Variants in KIAA0319 observed in about 807,000 individuals in gnomAD.
The protein encoded by KIAA0319 is KIAA0319.
In KIAA0319, 83 loss-of-function variants were observed where a neutral mutation model predicts 108.4. The ratio of observed to expected loss-of-function variants is 0.77; its 90% CI spans 0.64 to 0.92. KIAA0319 has a LOEUF of 0.92. Ranked by LOEUF, KIAA0319 falls within the 40% of genes least tolerant of loss-of-function variation. The pLI is 0.00. For synonymous variants in KIAA0319, 484 were observed against 510.4 expected, an observed-to-expected ratio of 0.95 and a Z score of 0.70; for missense variants, 1,195 against 1,322.4, an observed-to-expected ratio of 0.90 and a Z score of 1.49.
At chr6:24,564,149 A>C (rs1763515400) in intron 15 of KIAA0319, 53 bp downstream of exon 15, 1 of 1,610,564 alleles carries the variant, frequency 6.2e-7, no homozygotes, top group Non-Finnish European at 8.5e-7. Context: ...TAAAGACCCC[A>C]AAGGCTGACC....
In KIAA0319 at chr6:24,601,032, G is replaced by C; in HGVS notation, c.55+17C>G. 1 of 1,613,812 alleles carries C rather than the reference G, an allele frequency of 6.2e-7. No homozygotes were observed. Among genetic ancestry groups the C allele is most frequent in the Non-Finnish European group, 8.5e-7 (1 of 1,179,884 alleles). ...CTCAAGTCCAACACGGGTATCTCCA[G>C]GGTAGTAGTTCCCTACCTGCAATTG... On this transcript the variant is annotated intron_variant, in intron 2 of 20. Coordinates refer to ENST00000378214, the MANE Select transcript of KIAA0319 (RefSeq NM_014809.4).
intron 6 of KIAA0319, 39 bp downstream of exon 6, chr6:24,582,210 C>G: frequency 8.8e-7 from 1 of 1,133,486 alleles, no homozygotes; most frequent in Non-Finnish European, 1.3e-6. Flanking sequence ...TATGCCGTTA[C>G]GCTGTGCTGT....
intron 11 of KIAA0319, 39 bp from the exon 12 acceptor site, chr6:24,570,074 T>C (rs1228181719): frequency 8.8e-6 from 14 of 1,597,820 alleles, no homozygotes; most frequent in Non-Finnish European, 1.2e-5. Flanking sequence ...TATTATCTCT[T>C]TGCATTAAGT....
intron 12 of KIAA0319, among the ~76,000 whole-genome samples, chr6:24,569,371 TCA>T (rs528824651): frequency 2.6e-4 from 39 of 152,234 alleles, no homozygotes; most frequent in Middle Eastern, 6.8e-3. Context: ...CAAAAATACC[TCA>T]GTTTGGGTCC....
intron 1 of KIAA0319, among the ~76,000 whole-genome samples, chr6:24,628,520 CT>C (rs1204487218): frequency 2.0e-5 from 3 of 151,600 alleles, no homozygotes; most frequent in African/African-American, 7.3e-5. Flanking sequence ...GTGCTTTTTT[CT>C]TTCTTTCTTT....
chr6:24,644,247 G>C (rs1455210255), intron 1 of KIAA0319, among the ~76,000 whole-genome samples: 1 of 13,916 alleles, frequency 7.2e-5, no homozygotes, highest in Non-Finnish European at 1.2e-4. Flanking sequence ...ACAGGGGAGA[G>C]GGGGGGGTTC....
Position 24,563,473 on chromosome 6 carries a change from AC to A in KIAA0319, c.2476del (p.Val826LeufsTer4). On this transcript the variant is annotated frameshift_variant, in exon 16 of 21. Transcript: ENST00000378214. LOFTEE classifies it high-confidence loss of function. ...CTTCCGCTGCTCTGTCAGCTGCCCA[AC>A]ACCAACCTGCAGGGTCAGCTCCACC... is the stretch of plus-strand genomic sequence containing the variant. ...GLVELTLQVG[V>X]GQLTEQRKDT... The A allele has an allele frequency of 6.2e-7, 1 of 1,613,282 alleles. No individual in the cohort carries two copies. Among genetic ancestry groups the A allele is most frequent in the Non-Finnish European group, 8.5e-7 (1 of 1,179,862 alleles).
At chr6:24,574,548 C>A (rs1765195668) in intron 10 of KIAA0319, among the ~76,000 whole-genome samples, 1 of 152,072 alleles carries the variant, frequency 6.6e-6, no homozygotes, top group Non-Finnish European at 1.5e-5. Flanking sequence ...CAGGTTAATA[C>A]CCTTTCTTTT....
intron 1 of KIAA0319, among the ~76,000 whole-genome samples, chr6:24,609,427 A>G (rs1036735155): frequency 6.6e-6 from 1 of 151,916 alleles, no homozygotes; most frequent in African/African-American, 2.4e-5. Context: ...AAATACAAAA[A>G]TTAGCCAGGC....
At chr6:24,555,027 A>T (rs1762088063) in intron 18 of KIAA0319, among the ~76,000 whole-genome samples, 2 of 152,240 alleles carry the variant, frequency 1.3e-5, no homozygotes, top group Admixed American at 6.5e-5. Context: ...GCTTGGTTTT[A>T]ATAAAGCATC....
chr6:24,573,343 C>T (rs2127465792), intron 10 of KIAA0319, among the ~76,000 whole-genome samples: 1 of 151,462 alleles, frequency 6.6e-6, no homozygotes, highest in South Asian at 2.1e-4. Flanking sequence ...AACAGTCTAT[C>T]ACAGCAAAAC....
At chr6:24,617,608 C>T (rs1057279688) in intron 1 of KIAA0319, among the ~76,000 whole-genome samples, 2 of 152,110 alleles carry the variant, frequency 1.3e-5, no homozygotes, top group Non-Finnish European at 2.9e-5. Context: ...TTCATGGATG[C>T]ACAGAGGACA....
intron 5 of KIAA0319, 87 bp downstream of exon 5, chr6:24,583,517 G>C (rs1434098378): frequency 1.0e-5 from 9 of 873,604 alleles, no homozygotes; most frequent in East Asian, 4.9e-5. Context: ...CTGTGAAAAA[G>C]AATCGGCGTT....
chr6:24,644,112 G>A (rs1056895307), intron 1 of KIAA0319, among the ~76,000 whole-genome samples: 3 of 152,196 alleles, frequency 2.0e-5, no homozygotes, highest in African/African-American at 7.2e-5. Flanking sequence ...CCTCATGTCT[G>A]CGTGGGTTTT....
chr6:24,547,333 G>A lies in KIAA0319; in HGVS notation c.3051C>T (p.His1017=), dbSNP rs746255929. ...MELRPKYGIK[H]RSTEHNSSLM... is the part of the protein sequence containing the mutation. ...GGCTGGAGTTGTGCTCTGTGCTTCG[G>A]TGCTTGATACCTAGAGAGAAGCACA... The change falls in exon 21 of 21, where the codon CAC becomes CAT. Residue 1017 remains histidine, a synonymous_variant. Coordinates refer to ENST00000378214, the MANE Select transcript of KIAA0319 (RefSeq NM_014809.4). The A allele has an allele frequency of 7.1e-5, 115 of 1,613,862 alleles. No individual in the cohort carries two copies. The highest frequency in any genetic ancestry group is 9.3e-5 in the Non-Finnish European group (110 of 1,179,904).
intron 16 of KIAA0319, among the ~76,000 whole-genome samples, chr6:24,560,141 T>C (rs868396591): frequency 7.9e-5 from 12 of 152,384 alleles, no homozygotes; most frequent in Middle Eastern, 3.4e-3. Flanking sequence ...ATTTTGGCTA[T>C]TATGAATTTG....
intron 1 of KIAA0319, among the ~76,000 whole-genome samples, chr6:24,624,929 GGCTCTTCA>G (rs1371126020): frequency 6.6e-6 from 1 of 152,164 alleles, no homozygotes; most frequent in Non-Finnish European, 1.5e-5. Flanking sequence ...AATATGGTTA[GGCTCTTCA>G]GCCTGTAATC....
At chr6:24,596,754 C>T (rs757359992) in intron 2 of KIAA0319, 136 bp from the exon 3 acceptor site, 9 of 738,276 alleles carry the variant, frequency 1.2e-5, no homozygotes, top group Non-Finnish European at 2.0e-5. Flanking sequence ...GCATTTCACA[C>T]AGAAAGATCA....
At chr6:24,573,774 TA>T (rs201095854) in intron 10 of KIAA0319, among the ~76,000 whole-genome samples, 34 of 152,290 alleles carry the variant, frequency 2.2e-4, no homozygotes, top group African/African-American at 7.7e-4. Context: ...TTTTTATTAT[TA>T]TTTTTTTTAA....
Sources: gnomAD v4.1 joint callset for allele counts (sites outside exome capture counted in the v4.1 genomes callset) on GRCh38, gnomAD v4.1.1 for gene constraint, MANE v1.5 for transcripts, NCBI Gene and HGNC (gene_info 2026-07-23, HGNC 2026-07-21) for gene names.